The following TANC2 variants were observed in gnomAD, a reference collection of about 807,000 sequenced individuals.
TANC2 encodes protein TANC2.
A neutral mutation model predicts 210.5 loss-of-function variants in TANC2; 26 were observed. The ratio of observed to expected loss-of-function variants is 0.12; its 90% CI spans 0.09 to 0.17. TANC2 has a LOEUF of 0.17. Among genes scored for constraint, TANC2 ranks in the 10% least tolerant of loss-of-function variants. The pLI is 1.00. For missense variants in TANC2, 2,129 were observed against 2,608.9 expected, an observed-to-expected ratio of 0.82 and a Z score of 4.01; for synonymous variants, 931 against 967.1, an observed-to-expected ratio of 0.96 and a Z score of 0.69.
chr17:63,081,154 T>C (rs1297900197), intron 3 of TANC2, among the ~76,000 whole-genome samples: 2 of 152,202 alleles, frequency 1.3e-5, no homozygotes, highest in Non-Finnish European at 2.9e-5. Flanking sequence ...TCTTCAGAAA[T>C]TTAATTTGTT....
chr17:63,247,110 T>A (rs909493782), intron 8 of TANC2, among the ~76,000 whole-genome samples: 1 of 152,154 alleles, frequency 6.6e-6, no homozygotes, highest in African/African-American at 2.4e-5. Context: ...ATTCAAACTT[T>A]AGCACATTTT....
At chr17:63,243,094 A>G (rs1462960605) in intron 8 of TANC2, among the ~76,000 whole-genome samples, 1 of 152,192 alleles carries the variant, frequency 6.6e-6, no homozygotes, top group Non-Finnish European at 1.5e-5. Context: ...AAAGTTTCAT[A>G]TCTTTTTCCA....
In TANC2 at chr17:63,418,161, C is replaced by T. The variant is rs564732029; in HGVS notation, c.4168-146C>T. 63 of 783,946 alleles carry T rather than the reference C, an allele frequency of 8.0e-5. No homozygotes were observed. Among genetic ancestry groups the T allele is most frequent in the Non-Finnish European group, 1.2e-4 (59 of 491,012 alleles). 48.6% of individuals were successfully genotyped at this position (783,946 alleles called of 1,614,324 possible). On this transcript the variant is annotated intron_variant, in intron 26 of 27. Coordinates refer to ENST00000689528, the Ensembl canonical transcript of TANC2. This position sits in a 1 kb window ranked among gnomAD's most constrained non-coding sequence, Gnocchi z 4.6. ...AGGAACTTTCAGTCCACAGGCCACGCGGCTTGAGCCATGTCAGGCACGTCT... is the reference window on the plus strand; with the variant it reads ...AGGAACTTTCAGTCCACAGGCCACGTGGCTTGAGCCATGTCAGGCACGTCT...
intron 13 of TANC2, among the ~76,000 whole-genome samples, chr17:63,353,379 T>C (rs1445156555): frequency 6.6e-6 from 1 of 152,076 alleles, no homozygotes; most frequent in African/African-American, 2.4e-5. Context: ...TCTTCTAGAA[T>C]TTGGTGGTAG....
intron 5 of TANC2, chr17:63,154,033 A>G (rs939129978): frequency 4.6e-5 from 7 of 152,192 alleles, no homozygotes; most frequent in African/African-American, 1.7e-4. Context: ...ATCTTCTATA[A>G]TATCTAATTA....
At position 62,995,112 on chromosome 17, in the gene TANC2, C is replaced by G. The variant is rs1317930678; in HGVS notation, c.-23-14425C>G. On this transcript the variant is annotated intron_variant, in intron 1 of 27. Coordinates refer to ENST00000689528, the Ensembl canonical transcript of TANC2. ...GATAAATCCATCATGTTTCCATTTT[C>G]TTTGGATTTTTTTCTTTCTTTTACA... 3.3e-5 allele frequency among the ~76,000 whole-genome samples: 5 copies of G among 152,104 alleles called. 1 individual carries two copies. In the South Asian group the frequency reaches 1.0e-3, roughly 32 times the overall value.
intron 8 of TANC2, among the ~76,000 whole-genome samples, chr17:63,240,846 GCTT>G (rs2042754452): frequency 1.3e-5 from 2 of 152,054 alleles, no homozygotes; most frequent in Admixed American, 6.6e-5. Context: ...ACAAGTAATT[GCTT>G]CTTCTTCTAG....
Position 63,358,352 on chromosome 17 carries a change from TGAGAGAG to T in TANC2, c.2582+2963_2582+2969del, listed in dbSNP as rs1385281669. Among the ~76,000 whole-genome samples, 30 of 138,060 alleles carry T rather than the reference TGAGAGAG, an allele frequency of 2.2e-4. 1 individual carries two copies. In the South Asian group the frequency reaches 3.1e-3, roughly 14 times the overall value. 90.6% of individuals were successfully genotyped at this position (138,060 alleles called of 152,430 possible). On this transcript the variant is annotated intron_variant, in intron 14 of 27. Transcript: ENST00000689528. ...TAAATGAGTAACAAGGTGAGTAGAG[TGAGAGAG>T]AGAGAGAGAGAGAGAGAGTATGTGT...
chr17:63,087,450 C>G (rs947537626), intron 3 of TANC2, among the ~76,000 whole-genome samples: 15 of 151,508 alleles, frequency 9.9e-5, no homozygotes, highest in African/African-American at 3.2e-4. Context: ...TGTTTTTTTT[C>G]TCCCTTCTCA....
chr17:63,405,265 G>A lies in TANC2; in HGVS notation c.3465+10G>A. 6.4e-7 allele frequency: 1 copy of A among 1,556,574 alleles called. No homozygotes were observed. On this transcript the variant is annotated intron_variant, in intron 20 of 27. Transcript: ENST00000689528. Reference sequence around the variant, plus strand: ...CCAGGGCCACTGGCAGGTAAGCAGGGCGACCACTTCCAGTCCCTCAGGCAG... The same window carrying A: ...CCAGGGCCACTGGCAGGTAAGCAGGACGACCACTTCCAGTCCCTCAGGCAG...
At chr17:63,133,559 C>CA (rs1289317012) in intron 4 of TANC2, among the ~76,000 whole-genome samples, 1 of 152,132 alleles carries the variant, frequency 6.6e-6, no homozygotes, top group African/African-American at 2.4e-5. Context: ...ATGGAGAACT[C>CA]AATTTGGAAT....
chr17:63,376,944 A>C (rs562137007), intron 14 of TANC2, among the ~76,000 whole-genome samples: 1 of 151,816 alleles, frequency 6.6e-6, no homozygotes, highest in Non-Finnish European at 1.5e-5. Flanking sequence ...CAGTCTCCCA[A>C]GTAGCTGGGA....
chr17:63,291,814 C>T (rs1479558117), intron 9 of TANC2, among the ~76,000 whole-genome samples: 1 of 152,114 alleles, frequency 6.6e-6, no homozygotes, highest in Non-Finnish European at 1.5e-5. Context: ...CCAGCAACCC[C>T]TCCAAGATTA....
chr17:63,231,998 A>C (rs182871216), intron 7 of TANC2, among the ~76,000 whole-genome samples: 100 of 152,136 alleles, frequency 6.6e-4, no homozygotes, highest in African/African-American at 2.4e-3. Context: ...GTCTTATTTC[A>C]GCAAGTTAGT....
At chr17:63,189,231 C>G (rs1166548874) in intron 5 of TANC2, among the ~76,000 whole-genome samples, 4 of 152,084 alleles carry the variant, frequency 2.6e-5, no homozygotes, top group African/African-American at 4.8e-5. Flanking sequence ...ACTGCTATGA[C>G]CATTCATGTA....
At chr17:63,060,138 A>G (rs1262118536) in intron 2 of TANC2, among the ~76,000 whole-genome samples, 2 of 152,200 alleles carry the variant, frequency 1.3e-5, no homozygotes, top group African/African-American at 2.4e-5. Flanking sequence ...GTGTCCCATA[A>G]TTACTCGCTT....
At chr17:62,996,989 A>ATTTTTTTTTTTTTTT (rs1568304676) in intron 1 of TANC2, among the ~76,000 whole-genome samples, 2 of 134,950 alleles carry the variant, frequency 1.5e-5, no homozygotes, top group African/African-American at 5.8e-5. Context: ...AATTTTTTGT[A>ATTTTTTTTTTTTTTT]TTTTTAGTAT....
rs188047587 is a variant in TANC2, at chr17:63,302,028, A to G, written c.1160-12360A>G. Among the ~76,000 whole-genome samples, 119 of 152,178 alleles carry G rather than the reference A, an allele frequency of 7.8e-4. 1 individual carries two copies. In the South Asian group the frequency reaches 0.014, roughly 18 times the overall value. Reference sequence around the variant, plus strand: ...ACTTCTTGATTTCTGCCTTAATTTCATTATTTACCCAGGAGTCATTCAGGA... The same window carrying G: ...ACTTCTTGATTTCTGCCTTAATTTCGTTATTTACCCAGGAGTCATTCAGGA... On this transcript the variant is annotated intron_variant, in intron 9 of 27. Transcript: ENST00000689528.
intron 18 of TANC2, among the ~76,000 whole-genome samples, chr17:63,397,951 A>G (rs951367665): frequency 2.6e-5 from 4 of 152,346 alleles, no homozygotes; most frequent in Admixed American, 6.5e-5. Context: ...TACCATATCA[A>G]TTGAGCTGAC....
Sources: gnomAD v4.1 joint callset for allele counts (sites outside exome capture counted in the v4.1 genomes callset) on GRCh38, gnomAD v4.1.1 for gene constraint, Gnocchi (gnomAD v3.1) non-coding constraint, MANE v1.5 for transcripts, NCBI Gene and HGNC (gene_info 2026-07-23, HGNC 2026-07-21) for gene names.